ZFX: variants seen among roughly 807,000 people sequenced by gnomAD.
ZFX encodes the protein zinc finger X-chromosomal protein.
For missense variants in ZFX, 362 were observed against 628.3 expected (o/e 0.58, Z 4.53); for synonymous variants, 196 against 226.8 (o/e 0.86, Z 1.22).
intron 3 of ZFX, among the ~76,000 whole-genome samples, chrX:24,172,375 G>A (rs1243015446): frequency 8.9e-6 from 1 of 111,855 alleles, no homozygotes; most frequent in Non-Finnish European, 1.9e-5. Flanking sequence ...TCTTAAAAGC[G>A]TTCTATATTT....
At chrX:24,149,289 G>C (rs1256995400), upstream of ZFX, 1 of 109,632 alleles carries the variant, frequency 9.1e-6, no homozygotes, top group Non-Finnish European at 1.9e-5. Context: ...GGGCGGCCGC[G>C]GCCCACGGGA....
At chrX:24,159,281 C>T (rs187475287) in intron 3 of ZFX, among the ~76,000 whole-genome samples, 19 of 112,393 alleles carry the variant, frequency 1.7e-4, no homozygotes, top group Admixed American at 1.6e-3. Context: ...TGAGCTACAG[C>T]GTGGGTCCTA....
In ZFX at chrX:24,214,619, C is replaced by T. The variant is rs1413516836; in HGVS notation, c.*3243C>T. ...TGCAAATACTGGTAATATTTCAGTTCTGTGAATTTGCAAGTAATATTTCAG... is the reference window on the plus strand; with the variant it reads ...TGCAAATACTGGTAATATTTCAGTTTTGTGAATTTGCAAGTAATATTTCAG... On this transcript the variant is annotated 3_prime_UTR_variant, in exon 10 of 10. Transcript: ENST00000304543. 8.9e-6 allele frequency: 1 copy of T among 112,100 alleles called. No homozygotes were observed. The highest frequency in any genetic ancestry group is 1.9e-5 in the Non-Finnish European group (1 of 53,164). 9.2% of individuals were successfully genotyped at this position (112,100 alleles called of 1,213,427 possible).
At position 24,177,167 on chromosome X, in the gene ZFX, C is replaced by T. The variant is rs543898698; in HGVS notation, c.59-2016C>T. On this transcript the variant is annotated intron_variant, in intron 4 of 9. Transcript: ENST00000304543. ...CAGGATGGTCTCGATCTCCTGACCTCGGGATCTGCCCACTTCGGCCTCCCA... is the reference window on the plus strand; with the variant it reads ...CAGGATGGTCTCGATCTCCTGACCTTGGGATCTGCCCACTTCGGCCTCCCA... Among the ~76,000 whole-genome samples the T allele has an allele frequency of 2.1e-3, 236 of 110,692 alleles. No homozygotes were observed. In the South Asian group the frequency reaches 0.022, roughly 10 times the overall value.
At chrX:24,176,040 CTT>C (rs760962081) in intron 4 of ZFX, among the ~76,000 whole-genome samples, 19 of 95,747 alleles carry the variant, frequency 2.0e-4, no homozygotes, top group Admixed American at 1.1e-4. Context: ...TGAACATACT[CTT>C]TTTTTTTTTT....
chrX:24,210,213 G>A lies in ZFX; in HGVS notation c.1255G>A (p.Gly419Arg). 1 of 1,211,716 alleles carries A rather than the reference G, an allele frequency of 8.3e-7. No individual in the cohort carries two copies. Among genetic ancestry groups the A allele is most frequent in the South Asian group, 1.8e-5 (1 of 56,969 alleles). Residue 419 changes from glycine (G) to arginine (R), a missense_variant, in exon 10 of 10, where the codon GGA becomes AGA. By Grantham distance (125) the Gly-to-Arg change is moderately radical. Transcript: ENST00000304543. ...YQTAIIIGPD[G>R]HPLTVYPCMI... is the part of the protein sequence containing the mutation. ...TTTAGCAATAATTATTGGCCCTGATGGACATCCTTTGACTGTCTATCCTTG... is the reference window on the plus strand; with the variant it reads ...TTTAGCAATAATTATTGGCCCTGATAGACATCCTTTGACTGTCTATCCTTG...
chrX:24,204,805 G>T (rs1433284625), intron 5 of ZFX, among the ~76,000 whole-genome samples: 1 of 112,032 alleles, frequency 8.9e-6, no homozygotes, highest in Non-Finnish European at 1.9e-5. Flanking sequence ...GCTGTGAAAT[G>T]TAGAGAATAT....
intron 3 of ZFX, 32 bp downstream of exon 3, chrX:24,152,862 G>A (rs1164670683): frequency 8.9e-6 from 1 of 112,436 alleles, no homozygotes; most frequent in African/African-American, 3.2e-5. Flanking sequence ...AATTAGAAAT[G>A]GTTAAATATA....
Position 24,214,709 on chromosome X carries a change from A to G in ZFX, c.*3333A>G, listed in dbSNP as rs1938343241. The G allele has an allele frequency of 8.9e-6, 1 of 112,089 alleles. No individual in the cohort carries two copies. Among genetic ancestry groups the G allele is most frequent in the East Asian group, 2.8e-4 (1 of 3,589 alleles). 9.2% of individuals were successfully genotyped at this position (112,089 alleles called of 1,213,427 possible). ...GTCCTTGGAATTCATTTTTTCTTTTATCTTCATAAAGGATTTGTTTTATTA... is the reference window on the plus strand; with the variant it reads ...GTCCTTGGAATTCATTTTTTCTTTTGTCTTCATAAAGGATTTGTTTTATTA... On this transcript the variant is annotated 3_prime_UTR_variant, in exon 10 of 10. Transcript: ENST00000304543.
chrX:24,196,004 G>A (rs775388863), intron 5 of ZFX, among the ~76,000 whole-genome samples: 38 of 111,836 alleles, frequency 3.4e-4, no homozygotes, highest in African/African-American at 1.2e-3. Flanking sequence ...AGTATCTTTT[G>A]ACTCCTCCTT....
rs905962806 is a variant in ZFX at position 24,190,705 on chromosome X, A to G, written c.646+10935A>G. Among the ~76,000 whole-genome samples the G allele has an allele frequency of 1.2e-4, 13 of 111,840 alleles. 1 individual carries two copies. The Admixed American group carries it at 1.2e-3, about 11-fold the overall frequency. Reference sequence around the variant, plus strand: ...TTGGGGAGGGAAGAGAAAAGGAGAGAGGGAGAGAGAGAACATACCTCTCCT... The same window carrying G: ...TTGGGGAGGGAAGAGAAAAGGAGAGGGGGAGAGAGAGAACATACCTCTCCT... On this transcript the variant is annotated intron_variant, in intron 5 of 9. Coordinates refer to ENST00000304543, the MANE Select transcript of ZFX (RefSeq NM_003410.4).
intron 1 of ZFX, among the ~76,000 whole-genome samples, chrX:24,151,001 C>G (rs1488593446): frequency 8.9e-6 from 1 of 111,761 alleles, no homozygotes; most frequent in Admixed American, 9.5e-5. Context: ...TAAGGGCAGA[C>G]TTTTTTATTT....
At chrX:24,184,962 T>G (rs1457005630) in intron 5 of ZFX, among the ~76,000 whole-genome samples, 1 of 111,248 alleles carries the variant, frequency 9.0e-6, no homozygotes, top group African/African-American at 3.3e-5. Context: ...TCTCTATTAT[T>G]ATGTTTGAGA....
intron 4 of ZFX, among the ~76,000 whole-genome samples, chrX:24,173,173 CTCT>C (rs1292430134): frequency 2.7e-5 from 3 of 112,100 alleles, no homozygotes; most frequent in African/African-American, 6.5e-5. Context: ...TTTACATCTG[CTCT>C]TCTTCATCCT....
intron 3 of ZFX, among the ~76,000 whole-genome samples, chrX:24,168,171 C>T (rs1486782472): frequency 1.8e-5 from 2 of 112,186 alleles, no homozygotes; most frequent in Non-Finnish European, 3.8e-5. Flanking sequence ...TCTGATTTCC[C>T]TCTAAGACAA....
In ZFX at chrX:24,152,748, AAGAT is replaced by A. The variant is rs1932330476; in HGVS notation, c.-107_-104del. ...GGAAAGACATAGAAGAACTATTAAG[AAGAT>A]AGAATTGTTTTGCTGCGCAGTACAG... On this transcript the variant is annotated 5_prime_UTR_variant, in exon 3 of 10. Coordinates refer to ENST00000304543, the MANE Select transcript of ZFX (RefSeq NM_003410.4). The A allele has an allele frequency of 8.9e-6, 1 of 112,327 alleles. No individual in the cohort carries two copies. The highest frequency in any genetic ancestry group is 3.2e-5 in the African/African-American group (1 of 30,920). The allele number at this position is 112,327 out of a possible 1,213,427, so 9.3% of individuals were successfully genotyped here.
At chrX:24,204,648 C>T (rs926433526) in intron 5 of ZFX, among the ~76,000 whole-genome samples, 2 of 111,938 alleles carry the variant, frequency 1.8e-5, no homozygotes, top group Non-Finnish European at 3.8e-5. Flanking sequence ...TCTGATTTTT[C>T]AAAAATCACA....
intron 4 of ZFX, among the ~76,000 whole-genome samples, chrX:24,178,947 C>G (rs1369786122): frequency 1.8e-5 from 2 of 111,782 alleles, no homozygotes; most frequent in Non-Finnish European, 3.8e-5. Flanking sequence ...GTGACTGCCT[C>G]AATTGCTTTG....
At chrX:24,181,395 G>T (rs1049937726) in intron 5 of ZFX, among the ~76,000 whole-genome samples, 18 of 111,883 alleles carry the variant, frequency 1.6e-4, no homozygotes, top group African/African-American at 5.5e-4. Context: ...ATGCAGAGGT[G>T]TGACTAAACT....
Sources: allele counts gnomAD v4.1 joint callset (sites outside exome capture counted in the v4.1 genomes callset), GRCh38; gene constraint gnomAD v4.1.1; transcripts MANE v1.5; gene names NCBI Gene and HGNC (gene_info 2026-07-23, HGNC 2026-07-21).